Variants in INPP4A observed in about 807,000 individuals in gnomAD.
INPP4A encodes the protein inositol polyphosphate-4-phosphatase type I A, also known as inositol polyphosphate-4-phosphatase, type I, 107kD.
A neutral mutation model predicts 119.8 loss-of-function variants in INPP4A; 33 were observed. The observed-to-expected ratio is 0.28, with a 90% CI of 0.21 to 0.37. The LOEUF is 0.37. INPP4A is among the 10% of genes least tolerant of loss of function. The pLI, the probability that INPP4A is intolerant of heterozygous loss-of-function variation, is 1.00. For missense variants in INPP4A, 956 were observed against 1,289.9 expected, an observed-to-expected ratio of 0.74 and a Z score of 3.97; for synonymous variants, 496 against 500.7, an observed-to-expected ratio of 0.99 and a Z score of 0.12.
chr2:98,587,349 C>G, intron 24 of INPP4A, 127 bp from the exon 25 acceptor site: 1 of 994,146 alleles, frequency 1.0e-6, no homozygotes, highest in Non-Finnish European at 1.4e-6. Flanking sequence ...GTAAATGAGT[C>G]CGGCACCCAT....
At chr2:98,580,403 G>A (rs1699123239) in intron 24 of INPP4A, among the ~76,000 whole-genome samples, 1 of 152,214 alleles carries the variant, frequency 6.6e-6, no homozygotes, top group Admixed American at 6.5e-5. Flanking sequence ...TGGCATAAAC[G>A]CTTCTACCAG....
At chr2:98,558,328 G>A (rs908743487) in intron 16 of INPP4A, among the ~76,000 whole-genome samples, 7 of 152,240 alleles carry the variant, frequency 4.6e-5, no homozygotes, top group Admixed American at 4.6e-4. Flanking sequence ...GCAAAAATCT[G>A]TATTTTTTCA....
chr2:98,577,112 G>T lies in INPP4A; in HGVS notation c.2755G>T (p.Val919Phe). ...LQHEHGMAPQ[V>F]FTQALECMRS... ...ACACGAGCATGGCATGGCCCCGCAGGTCTTCACCCAGGCCCTGGAGTGCAT... is the reference window on the plus strand; with the variant it reads ...ACACGAGCATGGCATGGCCCCGCAGTTCTTCACCCAGGCCCTGGAGTGCAT... Residue 919 changes from valine (V) to phenylalanine (F), a missense_variant, in exon 24 of 25, where the codon GTC (valine) becomes TTC (phenylalanine). Val to Phe is a conservative substitution (Grantham distance 50). This residue lies in a region of INPP4A where 304 missense variants were observed against 492.1 expected (regional missense o/e 0.62). Coordinates refer to ENST00000409851, the MANE Select transcript of INPP4A (RefSeq NM_001134225.2). The T allele has an allele frequency of 6.2e-7, 1 of 1,613,376 alleles. No individual in the cohort carries two copies. Among genetic ancestry groups the T allele is most frequent in the Non-Finnish European group, 8.5e-7 (1 of 1,179,594 alleles).
intron 1 of INPP4A, among the ~76,000 whole-genome samples, chr2:98,492,885 G>A (rs1681129626): frequency 6.6e-6 from 1 of 152,206 alleles, no homozygotes; most frequent in Non-Finnish European, 1.5e-5. Flanking sequence ...TAGATAAGGA[G>A]CCTGGGGCTG....
intron 24 of INPP4A, among the ~76,000 whole-genome samples, chr2:98,577,814 C>T (rs1698680837): frequency 6.6e-6 from 1 of 152,194 alleles, no homozygotes; most frequent in Non-Finnish European, 1.5e-5. Flanking sequence ...CTGGGCAGCC[C>T]CCTACCTCAC....
At chr2:98,532,869 A>G (rs1689502383) in intron 4 of INPP4A, among the ~76,000 whole-genome samples, 1 of 152,096 alleles carries the variant, frequency 6.6e-6, no homozygotes, top group Non-Finnish European at 1.5e-5. Flanking sequence ...AAAAAAAAAG[A>G]GCTTTGTTTA....
chr2:98,514,849 T>G (rs1404847903), intron 1 of INPP4A, among the ~76,000 whole-genome samples: 3 of 151,582 alleles, frequency 2.0e-5, no homozygotes, highest in Non-Finnish European at 4.4e-5. Flanking sequence ...AGCCCAGGAG[T>G]TTGAGGCTAC....
intron 1 of INPP4A, among the ~76,000 whole-genome samples, chr2:98,452,690 C>T: frequency 6.6e-6 from 1 of 152,180 alleles, no homozygotes; most frequent in Non-Finnish European, 1.5e-5. Context: ...TTCTCAGCCC[C>T]CTTGCCTCAA....
At chr2:98,466,341 C>A (rs945114275) in intron 1 of INPP4A, among the ~76,000 whole-genome samples, 1 of 152,216 alleles carries the variant, frequency 6.6e-6, no homozygotes, top group Non-Finnish European at 1.5e-5. Context: ...CCACCGTGCC[C>A]GGCCTTGTTA....
chr2:98,451,116 G>T (rs373973692), intron 1 of INPP4A, among the ~76,000 whole-genome samples: 105 of 152,212 alleles, frequency 6.9e-4, no homozygotes, highest in African/African-American at 2.4e-3. Flanking sequence ...GGAAAGCCAG[G>T]GTCCTGGGTG....
chr2:98,548,869 T>C, intron 13 of INPP4A: 1 of 1,261,216 alleles, frequency 7.9e-7, no homozygotes, highest in African/African-American at 1.5e-5. Context: ...TGACAAAAAA[T>C]AAGTTGGCTT....
intron 1 of INPP4A, among the ~76,000 whole-genome samples, chr2:98,482,062 C>T (rs2105056377): frequency 6.6e-6 from 1 of 152,286 alleles, no homozygotes; most frequent in African/African-American, 2.4e-5. Flanking sequence ...TCACTTGAGG[C>T]AAGGAGTTTG....
At chr2:98,548,138 A>C (rs1000239263) in intron 13 of INPP4A, among the ~76,000 whole-genome samples, 2 of 152,180 alleles carry the variant, frequency 1.3e-5, no homozygotes, top group African/African-American at 2.4e-5. Flanking sequence ...AGGGAACGGA[A>C]GAGCGTACCC....
intron 13 of INPP4A, chr2:98,552,510 C>A: frequency 1.8e-6 from 1 of 550,372 alleles, no homozygotes; most frequent in Non-Finnish European, 3.5e-6. Flanking sequence ...TTGTTCAATA[C>A]CTGTTCATAC....
At chr2:98,455,941 G>A (rs972666987) in intron 1 of INPP4A, among the ~76,000 whole-genome samples, 9 of 152,272 alleles carry the variant, frequency 5.9e-5, no homozygotes, top group African/African-American at 1.9e-4. Flanking sequence ...AGAGCGTCCC[G>A]TGCCTTTCCT....
intron 1 of INPP4A, among the ~76,000 whole-genome samples, chr2:98,464,065 T>C (rs1674214009): frequency 6.6e-6 from 1 of 152,212 alleles, no homozygotes; most frequent in African/African-American, 2.4e-5. Context: ...ATAGGCTTCT[T>C]CTTTTTCTTC....
Position 98,537,949 on chromosome 2 carries a change from G to C in INPP4A, c.554G>C (p.Arg185Pro). The change falls in exon 8 of 25, where the codon CGG (arginine) becomes CCG (proline). Residue 185 changes from arginine (R) to proline (P), a missense_variant. Around this residue, in one of 2 missense-constraint regions of INPP4A, gnomAD observed 652 missense variants for 797.9 expected, o/e 0.82. Transcript: ENST00000409851. ...TCAGACCAACGGCCCCCTGTGACCC[G>C]GTCTGTGGACACTGTCAATGGGAGG... Reference protein sequence around the residue: ...EKSDQRPPVTRSVDTVNGRMV... With the variant: ...EKSDQRPPVTPSVDTVNGRMV... The C allele has an allele frequency of 6.2e-7, 1 of 1,611,456 alleles. No homozygotes were observed. Among genetic ancestry groups the C allele is most frequent in the East Asian group, 2.2e-5 (1 of 44,820 alleles).
chr2:98,471,791 TG>T (rs917478852), intron 1 of INPP4A, among the ~76,000 whole-genome samples: 15 of 152,308 alleles, frequency 9.8e-5, no homozygotes, highest in East Asian at 7.7e-4. Flanking sequence ...GAACCCCTGT[TG>T]GGGCTGAAGT....
chr2:98,520,592 T>C (rs887005364), intron 3 of INPP4A, 95 bp from the exon 4 acceptor site: 3 of 759,406 alleles, frequency 4.0e-6, no homozygotes, highest in Non-Finnish European at 6.6e-6. Flanking sequence ...TTTTTGTTGT[T>C]GTTGGGGGGA....
Sources: allele counts gnomAD v4.1 joint callset (sites outside exome capture counted in the v4.1 genomes callset), GRCh38; gene constraint gnomAD v4.1.1; regional missense constraint gnomAD v4.1.1; transcripts MANE v1.5; gene names NCBI Gene and HGNC (gene_info 2026-07-23, HGNC 2026-07-21).